ARID1B: variants seen among roughly 807,000 people sequenced by gnomAD.
ARID1B encodes AT-rich interaction domain 1B.
Under a neutral mutation model 212.3 loss-of-function variants are expected in ARID1B, and 30 were observed. The observed-to-expected ratio is 0.14, with a 90% confidence interval of 0.11 to 0.19. The LOEUF (loss-of-function observed/expected upper bound fraction) is 0.19, where lower values mean the gene tolerates loss of function less well. ARID1B is among the 10% of genes least tolerant of loss of function. The probability of loss-of-function intolerance (pLI) is 1.00; values close to 1 mark genes in which losing one functional copy is unlikely to be tolerated. For missense variants in ARID1B, 2,891 were observed against 3,204.0 expected (o/e 0.90, Z 2.36); for synonymous variants, 1,402 against 1,301.7 (o/e 1.08, Z -1.66).
chr6:156,987,462 C>G (rs1367372616), intron 4 of ARID1B, among the ~76,000 whole-genome samples: 1 of 152,028 alleles, frequency 6.6e-6, no homozygotes, highest in African/African-American at 2.4e-5. Context: ...TCCCAAGTAG[C>G]TGAGACTACA....
In ARID1B at chr6:156,778,833, A is replaced by T. The variant is rs2114987238; in HGVS notation, c.1153A>T (p.Ser385Cys). 2 of 1,417,980 alleles carry T rather than the reference A, an allele frequency of 1.4e-6. No individual in the cohort carries two copies. The highest frequency in any genetic ancestry group is 2.8e-5 in the Admixed American group (1 of 35,248). The allele number at this position is 1,417,980 out of a possible 1,614,324, so 87.8% of individuals were successfully genotyped here. A position where few individuals can be genotyped will look rare whatever the true frequency, so the allele number is the denominator to read the frequency against. Residue 385 changes from serine (S) to cysteine (C), a missense_variant, in exon 1 of 20, where the codon AGC becomes TGC. Physicochemically the swap from Ser to Cys is moderately radical, Grantham distance 112 (BLOSUM62 -1). Coordinates refer to ENST00000636930, the MANE Select transcript of ARID1B (RefSeq NM_001374828.1). The stretch of plus-strand genomic sequence containing the variant: ...CCAGTGCAACCATTATCCGGGCTAC[A>T]GCCGGCCCGGCGCGGGCGGCGGCGG... ...NSQCNHYPGY[S>C]RPGAGGGGGG...
intron 5 of ARID1B, among the ~76,000 whole-genome samples, chr6:157,107,525 AAGT>A (rs1786581080): frequency 6.6e-6 from 1 of 152,234 alleles, no homozygotes; most frequent in Admixed American, 6.5e-5. Flanking sequence ...ATTTCAGTAA[AAGT>A]AGAAATGCAG....
intron 5 of ARID1B, among the ~76,000 whole-genome samples, chr6:157,103,092 C>G (rs1786189220): frequency 6.6e-6 from 1 of 152,196 alleles, no homozygotes; most frequent in African/African-American, 2.4e-5. Context: ...AACATATGGC[C>G]TGTGAAACCT....
intron 1 of ARID1B, among the ~76,000 whole-genome samples, chr6:156,783,585 C>G (rs1325812781): frequency 6.6e-6 from 1 of 152,054 alleles, no homozygotes; most frequent in Non-Finnish European, 1.5e-5. Context: ...ACTTGCTTTC[C>G]TAGGATAAAT....
intron 2 of ARID1B, chr6:156,871,471 C>T: frequency 1.5e-6 from 1 of 688,380 alleles, no homozygotes; most frequent in Non-Finnish European, 2.6e-6. Context: ...TGGAGAAGGC[C>T]TGATACAGAT....
At chr6:157,023,383 C>G (rs756260971) in intron 4 of ARID1B, 26 of 152,154 alleles carry the variant, frequency 1.7e-4, no homozygotes, top group Non-Finnish European at 2.4e-4. Context: ...TTTTAACTCC[C>G]TAGCTTTGTG....
intron 2 of ARID1B, among the ~76,000 whole-genome samples, chr6:156,858,861 G>A (rs560607942): frequency 2.0e-5 from 3 of 152,228 alleles, no homozygotes; most frequent in East Asian, 1.9e-4. Context: ...TAAAAAAACC[G>A]TAAAAATGGT....
intron 4 of ARID1B, among the ~76,000 whole-genome samples, chr6:157,000,936 C>G (rs891052479): frequency 6.6e-6 from 1 of 152,008 alleles, no homozygotes; most frequent in Non-Finnish European, 1.5e-5. Flanking sequence ...CTCAAGTGAT[C>G]CATCTGCCTC....
chr6:156,806,227 C>A (rs1252884662), intron 1 of ARID1B, among the ~76,000 whole-genome samples: 1 of 152,188 alleles, frequency 6.6e-6, no homozygotes, highest in African/African-American at 2.4e-5. Context: ...ACGTTCAGCA[C>A]ATTCAACAAA....
At chr6:157,196,106 G>C (rs1394612033) in intron 15 of ARID1B, 59 bp from the exon 16 acceptor site, 2 of 1,585,760 alleles carry the variant, frequency 1.3e-6, no homozygotes, top group Non-Finnish European at 1.7e-6. Flanking sequence ...AGAAGGGATG[G>C]ATGGGCCTTT....
chr6:156,922,964 T>G (rs958881808), intron 3 of ARID1B, among the ~76,000 whole-genome samples: 2 of 152,168 alleles, frequency 1.3e-5, no homozygotes, highest in Non-Finnish European at 2.9e-5. Flanking sequence ...GTCTGCTTCT[T>G]GGTTGGGAGA....
chr6:156,859,997 G>A (rs538607670), intron 2 of ARID1B, among the ~76,000 whole-genome samples: 1 of 152,316 alleles, frequency 6.6e-6, no homozygotes, highest in South Asian at 2.1e-4. Context: ...CAGTACTGAG[G>A]CAGATTTGAG....
At chr6:156,857,221 T>TA (rs1415063096) in intron 2 of ARID1B, among the ~76,000 whole-genome samples, 1 of 152,200 alleles carries the variant, frequency 6.6e-6, no homozygotes, top group African/African-American at 2.4e-5. Context: ...TTCCTAAAGT[T>TA]ACACAGTTTT....
chr6:157,079,794 C>T (rs1311158100), intron 4 of ARID1B, among the ~76,000 whole-genome samples: 2 of 152,104 alleles, frequency 1.3e-5, no homozygotes, highest in African/African-American at 4.8e-5. Flanking sequence ...TTGTCTTTAG[C>T]ACCGCACTTG....
chr6:156,930,856 C>T (rs1257407751), intron 3 of ARID1B, among the ~76,000 whole-genome samples: 1 of 152,114 alleles, frequency 6.6e-6, no homozygotes, highest in Non-Finnish European at 1.5e-5. Context: ...CACATTTAAA[C>T]TTGGTAACAC....
Position 157,201,873 on chromosome 6 carries a change from T to C in ARID1B, c.5263+385T>C, listed in dbSNP as rs938777069. ...GAGATCAGGGAATCCTGAGTGGTTATATGCTGTATTTTGGGCTTAAAGATT... is the reference window on the plus strand; with the variant it reads ...GAGATCAGGGAATCCTGAGTGGTTACATGCTGTATTTTGGGCTTAAAGATT... On this transcript the variant is annotated intron_variant, in intron 18 of 19. Transcript: ENST00000636930. The surrounding 1 kb of genome is among the most constrained non-coding windows in gnomAD (Gnocchi z 5.2). Among the ~76,000 whole-genome samples the C allele has an allele frequency of 6.6e-6, 1 of 152,220 alleles. No individual in the cohort carries two copies. The highest frequency in any genetic ancestry group is 1.5e-5 in the Non-Finnish European group (1 of 68,042).
intron 3 of ARID1B, among the ~76,000 whole-genome samples, chr6:156,921,469 A>G (rs1182588138): frequency 6.6e-6 from 1 of 150,510 alleles, no homozygotes; most frequent in Admixed American, 6.6e-5. Context: ...ACACACACAC[A>G]CACACACACA....
intron 4 of ARID1B, chr6:156,938,363 T>C (rs1193956563): frequency 6.6e-6 from 1 of 152,216 alleles, no homozygotes; most frequent in African/African-American, 2.4e-5. Context: ...TGAAGCTGTA[T>C]TTGTTATCAC....
At chr6:157,005,414 A>G (rs937865467) in intron 4 of ARID1B, among the ~76,000 whole-genome samples, 2 of 152,074 alleles carry the variant, frequency 1.3e-5, no homozygotes, top group African/African-American at 4.8e-5. Context: ...TCAGCCTCCC[A>G]AAGTGCTGGG....
Sources: gnomAD v4.1 joint callset for allele counts (sites outside exome capture counted in the v4.1 genomes callset) on GRCh38, gnomAD v4.1.1 for gene constraint, Gnocchi (gnomAD v3.1) non-coding constraint, MANE v1.5 for transcripts, NCBI Gene and HGNC (gene_info 2026-07-23, HGNC 2026-07-21) for gene names.